XXYLT1: variants seen among roughly 807,000 people sequenced by gnomAD.
The protein encoded by XXYLT1 is xyloside xylosyltransferase 1, also known as UDP-xylose:alpha-xyloside alpha-1,3-xylosyltransferase.
XXYLT1 carries 20 observed loss-of-function variants against 28.9 expected under a neutral mutation model. The ratio of observed to expected loss-of-function variants is 0.69; its 90% CI spans 0.49 to 1.00. The LOEUF is 1.00. Among genes scored for constraint, XXYLT1 ranks in the 50% least tolerant of loss-of-function variants. The pLI is 0.00. For synonymous variants in XXYLT1, 257 were observed against 253.8 expected (o/e 1.01, Z -0.12); for missense variants, 542 against 560.1 (o/e 0.97, Z 0.33).
At chr3:195,224,815 C>T (rs1343086026) in intron 2 of XXYLT1, among the ~76,000 whole-genome samples, 1 of 152,200 alleles carries the variant, frequency 6.6e-6, no homozygotes, top group Non-Finnish European at 1.5e-5. Context: ...TGCCGCAGCC[C>T]CTCATTTCAC....
chr3:195,088,556 T>C, intron 3 of XXYLT1, among the ~76,000 whole-genome samples: 1 of 119,838 alleles, frequency 8.3e-6, no homozygotes, highest in Admixed American at 9.1e-5. Flanking sequence ...CAAAAGTAGA[T>C]AAAACCACAA....
rs781572471 is a variant in XXYLT1, at chr3:195,133,786, G to A, written c.785+22663C>T. 2.0e-5 allele frequency among the ~76,000 whole-genome samples: 3 copies of A among 152,324 alleles called. No individual in the cohort carries two copies. Among genetic ancestry groups the A allele is most frequent in the South Asian group, 2.1e-4 (1 of 4,824 alleles). On this transcript the variant is annotated intron_variant, in intron 3 of 3. Transcript: ENST00000310380. The surrounding 1 kb of genome is among the most constrained non-coding windows in gnomAD (Gnocchi z 4.4). ...TGAAAAATCCCCATTGCCTAGTGACGTCTTGGGGATCCTGACCCTGTGCAG... is the reference window on the plus strand; with the variant it reads ...TGAAAAATCCCCATTGCCTAGTGACATCTTGGGGATCCTGACCCTGTGCAG...
chr3:195,259,604 C>G, intron 1 of XXYLT1: 4 of 985,472 alleles, frequency 4.1e-6, no homozygotes, highest in Non-Finnish European at 4.8e-6. Context: ...CTCATCTCAC[C>G]GCGAGGACAG....
rs1720173888 is a variant in XXYLT1, at chr3:195,150,824, T to TCACACATACGCACACTCTCTCA, written c.785+5603_785+5624dup. Reference sequence around the variant, plus strand: ...CTCACACACTCACATACACACACACTCACACATACGCACACTCTCTCACAC... The same window carrying TCACACATACGCACACTCTCTCA: ...CTCACACACTCACATACACACACACTCACACATACGCACACTCTCTCACACACATACGCACACTCTCTCACAC... On this transcript the variant is annotated intron_variant, in intron 3 of 3. Coordinates refer to ENST00000310380, the MANE Select transcript of XXYLT1 (RefSeq NM_152531.5). This position sits in a 1 kb window ranked among gnomAD's most constrained non-coding sequence, Gnocchi z 4.7. Among the ~76,000 whole-genome samples, 1 of 145,402 alleles carries TCACACATACGCACACTCTCTCA rather than the reference T, an allele frequency of 6.9e-6. No homozygotes were observed. Among genetic ancestry groups the TCACACATACGCACACTCTCTCA allele is most frequent in the African/African-American group, 2.6e-5 (1 of 38,690 alleles).
chr3:195,081,715 T>C (rs73074255), intron 3 of XXYLT1, among the ~76,000 whole-genome samples: 1,985 of 152,268 alleles, frequency 0.013, 21 homozygotes, highest in African/African-American at 0.029. Context: ...AAATACTCAA[T>C]ACATTCAGAT....
chr3:195,215,247 G>C (rs1723519331), intron 2 of XXYLT1, among the ~76,000 whole-genome samples: 1 of 148,314 alleles, frequency 6.7e-6, no homozygotes, highest in African/African-American at 2.5e-5. Context: ...TCGAGACTAG[G>C]AAGAAACTCC....
intron 2 of XXYLT1, among the ~76,000 whole-genome samples, chr3:195,164,169 C>A (rs1311399319): frequency 6.6e-6 from 1 of 152,244 alleles, no homozygotes; most frequent in African/African-American, 2.4e-5. Context: ...TAACTACACC[C>A]ACTTTACAGA....
At chr3:195,211,814 G>T (rs1483711186) in intron 2 of XXYLT1, among the ~76,000 whole-genome samples, 1 of 151,872 alleles carries the variant, frequency 6.6e-6, no homozygotes, top group East Asian at 1.9e-4. Context: ...GCAAGCCACG[G>T]AATGCCACCG....
At chr3:195,198,970 C>T (rs900513061) in intron 2 of XXYLT1, among the ~76,000 whole-genome samples, 1 of 152,120 alleles carries the variant, frequency 6.6e-6, no homozygotes, top group Non-Finnish European at 1.5e-5. Context: ...AGGCATTTTG[C>T]CAAGAACACT....
intron 1 of XXYLT1, chr3:195,259,785 G>C (rs528407603): frequency 5.4e-6 from 3 of 550,630 alleles, no homozygotes; most frequent in Non-Finnish European, 6.9e-6. Flanking sequence ...ATACCGAGGG[G>C]CCACCCCCAC....
chr3:195,110,841 GT>G (rs1458598981), intron 3 of XXYLT1, among the ~76,000 whole-genome samples: 1 of 5,460 alleles, frequency 1.8e-4, no homozygotes, highest in African/African-American at 7.1e-4. Context: ...TGTGTGGTGT[GT>G]TGTGTGTGTT....
At chr3:195,085,345 C>G (rs1715660984) in intron 3 of XXYLT1, among the ~76,000 whole-genome samples, 1 of 152,228 alleles carries the variant, frequency 6.6e-6, no homozygotes. Context: ...ACCCCTGGCC[C>G]TGCCGCTCCG....
chr3:195,096,815 G>A (rs1416817877), intron 3 of XXYLT1, among the ~76,000 whole-genome samples: 5 of 152,198 alleles, frequency 3.3e-5, no homozygotes, highest in Admixed American at 1.3e-4. Context: ...TTAAAAAAAT[G>A]AGAATCTTGA....
intron 2 of XXYLT1, among the ~76,000 whole-genome samples, chr3:195,164,301 G>C (rs973686609): frequency 6.6e-6 from 1 of 152,224 alleles, no homozygotes; most frequent in African/African-American, 2.4e-5. Flanking sequence ...TGTTCATGGA[G>C]CCTCCTTGCT....
chr3:195,212,092 T>C (rs72499625), intron 2 of XXYLT1, among the ~76,000 whole-genome samples: 585 of 53,228 alleles, frequency 0.011, 5 homozygotes, highest in African/African-American at 0.032. Flanking sequence ...CGGAATGCCA[T>C]GGGAAGATCT....
Position 195,247,817 on chromosome 3 carries a change from G to A in XXYLT1, c.505-20961C>T, listed in dbSNP as rs562567665. On this transcript the variant is annotated intron_variant, in intron 1 of 3. Transcript: ENST00000310380. ...GCCTCAGGAAACACACAATCACGGCGGAAGGGACACATCTCACCATAGTGC... is the reference window on the plus strand; with the variant it reads ...GCCTCAGGAAACACACAATCACGGCAGAAGGGACACATCTCACCATAGTGC... 4.2e-4 allele frequency: 296 copies of A among 702,716 alleles called. 2 individuals are homozygous for A. Among genetic ancestry groups the A allele is most frequent in the Admixed American group, 1.0e-3 (51 of 50,008 alleles). The allele number at this position is 702,716 out of a possible 1,614,324, so 43.5% of individuals were successfully genotyped here.
Position 195,129,780 on chromosome 3 carries a change from A to G in XXYLT1, c.785+26669T>C, listed in dbSNP as rs887952539. 7.9e-5 allele frequency among the ~76,000 whole-genome samples: 12 copies of G among 152,140 alleles called. No individual in the cohort carries two copies. The East Asian group carries it at 1.7e-3, about 22-fold the overall frequency. ...ATGACTCATGCTGATACGAACGTCC[A>G]TTTGCATGTTAGTGTGTGGGCGCAT... On this transcript the variant is annotated intron_variant, in intron 3 of 3. Transcript: ENST00000310380. This position sits in a 1 kb window ranked among gnomAD's most constrained non-coding sequence, Gnocchi z 4.4.
At chr3:195,152,270 CCCCTTAT>C (rs1720312734) in intron 3 of XXYLT1, 2 of 152,616 alleles carry the variant, frequency 1.3e-5, no homozygotes, top group African/African-American at 4.8e-5. Flanking sequence ...CTCCTCTTGG[CCCCTTAT>C]CCCAACTAAA....
chr3:195,138,113 T>C (rs182396393), intron 3 of XXYLT1, among the ~76,000 whole-genome samples: 1 of 152,358 alleles, frequency 6.6e-6, no homozygotes, highest in Admixed American at 6.5e-5. Flanking sequence ...ACAGAAACTT[T>C]GCCAACATTT....
Sources: gnomAD v4.1 joint callset for allele counts (sites outside exome capture counted in the v4.1 genomes callset) on GRCh38, gnomAD v4.1.1 for gene constraint, Gnocchi (gnomAD v3.1) non-coding constraint, MANE v1.5 for transcripts, NCBI Gene and HGNC (gene_info 2026-07-23, HGNC 2026-07-21) for gene names.